The following FTL variants were observed in gnomAD, a reference collection of about 807,000 sequenced individuals.
FTL encodes the protein ferritin light chain.
In FTL, 17 loss-of-function variants were observed where a neutral mutation model predicts 16.6. The ratio of observed to expected loss-of-function variants is 1.02; its 90% CI spans 0.70 to 1.53. The LOEUF (loss-of-function observed/expected upper bound fraction) is 1.53, where lower values mean the gene tolerates loss of function less well. FTL is among the 40% of genes most tolerant of loss of function. The probability of loss-of-function intolerance (pLI) is 0.00; values close to 1 mark genes in which losing one functional copy is unlikely to be tolerated. For synonymous variants in FTL, 73 were observed against 89.9 expected (o/e 0.81, Z 1.06); for missense variants, 186 against 226.1 (o/e 0.82, Z 1.14).
In FTL at chr19:48,966,804, C is replaced by G. The variant is rs776164311; in HGVS notation, c.*69C>G. 6.5e-7 allele frequency: 1 copy of G among 1,530,518 alleles called. No homozygotes were observed. Among genetic ancestry groups the G allele is most frequent in the South Asian group, 1.1e-5 (1 of 88,924 alleles). 94.8% of individuals were successfully genotyped at this position (1,530,518 alleles called of 1,614,324 possible). On this transcript the variant is annotated 3_prime_UTR_variant, in exon 4 of 4. Transcript: ENST00000331825. ...TAATAGGGCTTCTGCCTAAGCCTCT[C>G]CCTCCAGCCAATAGGCAGCTTTCTT...
At chr19:48,966,506 T>C in intron 3 of FTL, 77 bp from the exon 4 acceptor site, 1 of 1,612,524 alleles carries the variant, frequency 6.2e-7, no homozygotes, top group Non-Finnish European at 8.5e-7. Flanking sequence ...ACCTGTCACA[T>C]TTTAATCTGC....
chr19:48,966,505 A>G, intron 3 of FTL, 78 bp from the exon 4 acceptor site: 1 of 1,612,660 alleles, frequency 6.2e-7, no homozygotes, highest in Admixed American at 1.7e-5. Flanking sequence ...CACCTGTCAC[A>G]TTTTAATCTG....
rs11553228 is a variant in FTL, at chr19:48,965,387, C to T, written c.-121C>T. 80 of 743,194 alleles carry T rather than the reference C, an allele frequency of 1.1e-4. No homozygotes were observed. The African/African-American group carries it at 1.1e-3, about 10-fold the overall frequency. 46.0% of individuals were successfully genotyped at this position (743,194 alleles called of 1,614,324 possible). Reference sequence around the variant, plus strand: ...ACAGATCCGGGGACTCTCTTCCAGCCTCCGACCGCCCTCCGATTTCCTCTC... The same window carrying T: ...ACAGATCCGGGGACTCTCTTCCAGCTTCCGACCGCCCTCCGATTTCCTCTC... On this transcript the variant is annotated 5_prime_UTR_variant, in exon 1 of 4. Coordinates refer to ENST00000331825, the MANE Select transcript of FTL (RefSeq NM_000146.4).
At position 48,966,574 on chromosome 19, in the gene FTL, C is replaced by T. The variant is rs2122435568; in HGVS notation, c.376-9C>T. Reference sequence around the variant, plus strand: ...ATTGGGTTTCTAATTTCTCCCTCTTCTCTCTCAGCTCTGTGACTTCCTGGA... The same window carrying T: ...ATTGGGTTTCTAATTTCTCCCTCTTTTCTCTCAGCTCTGTGACTTCCTGGA... On this transcript the variant is annotated splice_polypyrimidine_tract_variant and intron_variant, in intron 3 of 3. Transcript: ENST00000331825. 5 of 1,613,998 alleles carry T rather than the reference C, an allele frequency of 3.1e-6. No individual in the cohort carries two copies. The highest frequency in any genetic ancestry group is 1.3e-5 in the African/African-American group (1 of 75,052).
chr19:48,965,694 G>A, intron 1 of FTL, 76 bp from the exon 2 acceptor site: 5 of 1,608,130 alleles, frequency 3.1e-6, no homozygotes, highest in African/African-American at 1.3e-5. Context: ...TTCTTTGTGC[G>A]GTCGGGTAAA....
In FTL at chr19:48,966,568, C is replaced by T. The variant is rs771797142; in HGVS notation, c.376-15C>T. On this transcript the variant is annotated splice_polypyrimidine_tract_variant and intron_variant, in intron 3 of 3. Coordinates refer to ENST00000331825, the MANE Select transcript of FTL (RefSeq NM_000146.4). ...CCAGGGATTGGGTTTCTAATTTCTCCCTCTTCTCTCTCAGCTCTGTGACTT... is the reference window on the plus strand; with the variant it reads ...CCAGGGATTGGGTTTCTAATTTCTCTCTCTTCTCTCTCAGCTCTGTGACTT... 3 of 1,613,984 alleles carry T rather than the reference C, an allele frequency of 1.9e-6. No individual in the cohort carries two copies. Among genetic ancestry groups the T allele is most frequent in the Admixed American group, 3.3e-5 (2 of 60,002 alleles).
intron 2 of FTL, 71 bp downstream of exon 2, chr19:48,965,987 C>T: frequency 6.4e-7 from 1 of 1,564,106 alleles, no homozygotes; most frequent in Non-Finnish European, 8.7e-7. Flanking sequence ...GATTTGAGGG[C>T]GTAGGTGTCG....
In FTL at chr19:48,966,170, T is replaced by C. The variant is rs2038451521; in HGVS notation, c.250-111T>C. The C allele has an allele frequency of 3.1e-5, 46 of 1,479,560 alleles. 1 individual carries two copies. In the South Asian group the frequency reaches 5.1e-4, roughly 17 times the overall value. 91.7% of individuals were successfully genotyped at this position (1,479,560 alleles called of 1,614,324 possible). On this transcript the variant is annotated intron_variant, in intron 2 of 3. Transcript: ENST00000331825. ...TGCGGAGAGTGATAAATACAAGCTG[T>C]CACATGTCTTTGTGGCCTGGGCCTC... is the stretch of plus-strand genomic sequence containing the variant.
chr19:48,966,088 G>A (rs111299741), intron 2 of FTL, 172 bp downstream of exon 2: 16 of 1,182,222 alleles, frequency 1.4e-5, no homozygotes, highest in African/African-American at 9.0e-5. Context: ...ACAACACGCG[G>A]CAGTCCACAC....
At chr19:48,965,688 T>C (rs2038443874) in intron 1 of FTL, 79 bp downstream of exon 1, 2 of 1,607,884 alleles carry the variant, frequency 1.2e-6, no homozygotes, top group Non-Finnish European at 8.5e-7. Context: ...CCAGCCTTCT[T>C]TGTGCGGTCG....
intron 1 of FTL, 66 bp downstream of exon 1, chr19:48,965,675 G>A (rs1357549481): frequency 2.5e-6 from 4 of 1,604,254 alleles, no homozygotes; most frequent in Non-Finnish European, 3.4e-6. Context: ...CTCACTGCAC[G>A]CGCCAGCCTT....
rs2038437682 is a variant in FTL, at chr19:48,965,311, A to T, written c.-197A>T. The T allele has an allele frequency of 1.6e-6, 1 of 610,494 alleles. No homozygotes were observed. Among genetic ancestry groups the T allele is most frequent in the African/African-American group, 1.8e-5 (1 of 54,686 alleles). 37.8% of individuals were successfully genotyped at this position (610,494 alleles called of 1,614,324 possible). ...AGCCGCCCTAGCCACGTCCCCTCGCAGTTCGGCGGTCCCGCGGGTCTGTCT... is the reference window on the plus strand; with the variant it reads ...AGCCGCCCTAGCCACGTCCCCTCGCTGTTCGGCGGTCCCGCGGGTCTGTCT... On this transcript the variant is annotated 5_prime_UTR_variant, in exon 1 of 4. Transcript: ENST00000331825.
chr19:48,965,996 C>A, intron 2 of FTL, 80 bp downstream of exon 2: 1 of 1,542,042 alleles, frequency 6.5e-7, no homozygotes, highest in South Asian at 1.2e-5. Flanking sequence ...GCGTAGGTGT[C>A]GCGTGGGCTT....
At position 48,965,920 on chromosome 19, in the gene FTL, A is replaced by G. The variant is rs544433190; in HGVS notation, c.249+4A>G. The stretch of plus-strand genomic sequence containing the variant: ...CGCTCTCTTCCAGGACATCAAGGTA[A>G]CTAGTGTGTGGGTAATGGACTACAT... On this transcript the variant is annotated splice_donor_region_variant and intron_variant, in intron 2 of 3. Coordinates refer to ENST00000331825, the MANE Select transcript of FTL (RefSeq NM_000146.4). 132 of 1,614,056 alleles carry G rather than the reference A, an allele frequency of 8.2e-5. 3 individuals carry two copies. In the South Asian group the frequency reaches 1.3e-3, roughly 16 times the overall value.
At chr19:48,966,093 C>A in intron 2 of FTL, 177 bp downstream of exon 2, 2 of 1,183,000 alleles carry the variant, frequency 1.7e-6, no homozygotes, top group Non-Finnish European at 2.5e-6. Context: ...ACGCGGCAGT[C>A]CACACCGCTG....
At chr19:48,966,212 T>C in intron 2 of FTL, 69 bp from the exon 3 acceptor site, 1 of 1,610,056 alleles carries the variant, frequency 6.2e-7, no homozygotes, top group East Asian at 2.2e-5. Context: ...CCAACGACTC[T>C]TGGGAAATGT....
chr19:48,965,875 C>T lies in FTL; in HGVS notation c.208C>T (p.Gln70Ter), dbSNP rs1162189833. ...GGGCTACGAGCGTCTCCTGAAGATG[C>T]AAAACCAGCGTGGCGGCCGCGCTCT... ...REGYERLLKM[Q>*]NQRGGRALFQ... is the part of the protein sequence containing the mutation. The change falls in exon 2 of 4, where the codon CAA becomes TAA. Residue 70 changes from glutamine to a stop codon, truncating the protein, a stop_gained. Transcript: ENST00000331825. LOFTEE classifies it high-confidence loss of function. 1 of 1,614,084 alleles carries T rather than the reference C, an allele frequency of 6.2e-7. No individual in the cohort carries two copies. Among genetic ancestry groups the T allele is most frequent in the Non-Finnish European group, 8.5e-7 (1 of 1,180,034 alleles).
intron 2 of FTL, 40 bp from the exon 3 acceptor site, chr19:48,966,241 C>T (rs764211930): frequency 3.7e-6 from 6 of 1,613,236 alleles, no homozygotes; most frequent in South Asian, 1.1e-5. Context: ...TTCTATGTGC[C>T]GAGTGTGTGT....
rs762170104 is a variant in FTL, at chr19:48,966,593, TC to T, written c.388del (p.Leu130TrpfsTer6). ...SARTDPHLCD[F>X]LETHFLDEEV... Reference sequence around the variant, plus strand: ...CCTCTTCTCTCTCAGCTCTGTGACTTCCTGGAGACTCACTTCCTAGATGAGG... The same window carrying T: ...CCTCTTCTCTCTCAGCTCTGTGACTTCTGGAGACTCACTTCCTAGATGAGG... On this transcript the variant is annotated frameshift_variant, in exon 4 of 4. Coordinates refer to ENST00000331825, the MANE Select transcript of FTL (RefSeq NM_000146.4). 2 of 1,614,086 alleles carry T rather than the reference TC, an allele frequency of 1.2e-6. No homozygotes were observed. Among genetic ancestry groups the T allele is most frequent in the Non-Finnish European group, 1.7e-6 (2 of 1,180,006 alleles).
Sources: gnomAD v4.1 joint callset for allele counts on GRCh38, gnomAD v4.1.1 for gene constraint, MANE v1.5 for transcripts, NCBI Gene and HGNC (gene_info 2026-07-23, HGNC 2026-07-21) for gene names.